The following ANKRD11 variants were observed in gnomAD, a reference collection of about 807,000 sequenced individuals.
ANKRD11 encodes the protein ankyrin repeat domain 11, also known as ankyrin repeat domain-containing protein 11.
ANKRD11 carries 17 observed loss-of-function variants against 195.7 expected under a neutral mutation model. The ratio of observed to expected loss-of-function variants is 0.09; its 90% confidence interval spans 0.06 to 0.13. ANKRD11 has a LOEUF of 0.13. ANKRD11 is among the 10% of genes least tolerant of loss of function. The pLI is 1.00. For synonymous variants in ANKRD11, 1,953 were observed against 1,528.1 expected (o/e 1.28, Z -6.49); for missense variants, 3,735 against 3,566.1 (o/e 1.05, Z -1.21).
intron 2 of ANKRD11, among the ~76,000 whole-genome samples, chr16:89,365,118 T>C (rs1000196843): frequency 1.3e-5 from 2 of 152,258 alleles, no homozygotes; most frequent in African/African-American, 4.8e-5. Flanking sequence ...CCTTCCCTTA[T>C]GACAGACCAT....
intron 2 of ANKRD11, among the ~76,000 whole-genome samples, chr16:89,403,133 C>T (rs1289962152): frequency 3.9e-5 from 6 of 152,176 alleles, no homozygotes; most frequent in Non-Finnish European, 7.3e-5. Flanking sequence ...GACGTGCCCT[C>T]GTGCTTTCAG....
chr16:89,427,568 G>T (rs539156795), intron 1 of ANKRD11, among the ~76,000 whole-genome samples: 11 of 152,106 alleles, frequency 7.2e-5, no homozygotes. Flanking sequence ...AGGCCGAGGC[G>T]GGAGGATCAC....
intron 1 of ANKRD11, among the ~76,000 whole-genome samples, chr16:89,461,662 G>A (rs962359941): frequency 6.6e-6 from 1 of 152,024 alleles, no homozygotes; most frequent in African/African-American, 2.4e-5. Flanking sequence ...TTTTAATACC[G>A]ATTTACTAAA....
At chr16:89,444,702 T>G (rs563049944) in intron 1 of ANKRD11, among the ~76,000 whole-genome samples, 1 of 151,994 alleles carries the variant, frequency 6.6e-6, no homozygotes, top group African/African-American at 2.4e-5. Context: ...TCCCAGCACT[T>G]TGGAAAACAG....
At chr16:89,347,607 T>TAAA (rs5818710) in intron 2 of ANKRD11, among the ~76,000 whole-genome samples, 37 of 127,338 alleles carry the variant, frequency 2.9e-4, no homozygotes, top group East Asian at 1.2e-3. Flanking sequence ...CGAGACTCCG[T>TAAA]AAAAAAAAAA....
chr16:89,354,023 T>C (rs1258197904), intron 2 of ANKRD11, among the ~76,000 whole-genome samples: 2 of 152,050 alleles, frequency 1.3e-5, no homozygotes, highest in Non-Finnish European at 2.9e-5. Flanking sequence ...TGTAAATAAT[T>C]GATGGGAGCC....
intron 2 of ANKRD11, among the ~76,000 whole-genome samples, chr16:89,374,209 C>T (rs7195691): frequency 0.029 from 4,456 of 152,246 alleles, 147 homozygotes; most frequent in African/African-American, 0.075. Flanking sequence ...TATCAGACTT[C>T]AAAGATTTAC....
chr16:89,484,493 C>T (rs540686324), intron 1 of ANKRD11, among the ~76,000 whole-genome samples: 11 of 152,278 alleles, frequency 7.2e-5, no homozygotes, highest in African/African-American at 1.9e-4. Context: ...AAGCAGCCTA[C>T]GCAATCTTCC....
At chr16:89,272,673 A>G (rs1799943826) in intron 11 of ANKRD11, 1 of 152,218 alleles carries the variant, frequency 6.6e-6, no homozygotes. Context: ...CAGAATCACA[A>G]AAAGGAAAAG....
rs539487399 is a variant in ANKRD11 at position 89,463,460 on chromosome 16, C to G, written c.-145+26785G>C. 2.0e-5 allele frequency among the ~76,000 whole-genome samples: 3 copies of G among 152,234 alleles called. No homozygotes were observed. The South Asian group carries it at 6.2e-4, about 32-fold the overall frequency. On this transcript the variant is annotated intron_variant, in intron 1 of 12. Transcript: ENST00000301030. ...TGCAAGATGTGCTTTGTTAAACAGA[C>G]GGTTGAAGGCAGCATACTCGTTAAG...
chr16:89,281,577 T>C lies in ANKRD11; in HGVS notation c.4965A>G (p.Lys1655=). The change falls in exon 9 of 13, where the codon AAA becomes AAG. Residue 1655 remains lysine (K), a synonymous_variant. Coordinates refer to ENST00000301030, the MANE Select transcript of ANKRD11 (RefSeq NM_013275.6). This position sits in a 1 kb window ranked among gnomAD's most constrained non-coding sequence, Gnocchi z 5.5. ...CGGCAGGTGGAATAGGAGTCGACTC[T>C]TTGAGCTTTTTGTCTTTAAATGGAG... The part of the protein sequence containing the change: ...LDPPFKDKKL[K]ESTPIPPAAE... The C allele has an allele frequency of 1.2e-6, 2 of 1,614,190 alleles. No homozygotes were observed. The highest frequency in any genetic ancestry group is 1.7e-6 in the Non-Finnish European group (2 of 1,180,028).
intron 2 of ANKRD11, among the ~76,000 whole-genome samples, chr16:89,407,937 A>C (rs988643529): frequency 6.6e-6 from 1 of 152,164 alleles, no homozygotes; most frequent in Non-Finnish European, 1.5e-5. Flanking sequence ...TTAACTTCAA[A>C]AAGCCAAACT....
intron 1 of ANKRD11, among the ~76,000 whole-genome samples, chr16:89,489,408 C>G (rs1387598743): frequency 6.9e-6 from 1 of 145,464 alleles, no homozygotes; most frequent in Admixed American, 6.9e-5. Flanking sequence ...CCCCCACACC[C>G]GCCCGCCTAC....
intron 2 of ANKRD11, among the ~76,000 whole-genome samples, chr16:89,342,837 G>A (rs549128190): frequency 6.6e-6 from 1 of 152,310 alleles, no homozygotes; most frequent in South Asian, 2.1e-4. Context: ...TTCCCTCAGA[G>A]TGCCTTTCTG....
chr16:89,415,707 A>T (rs1396978798), intron 2 of ANKRD11, among the ~76,000 whole-genome samples: 2 of 151,248 alleles, frequency 1.3e-5, no homozygotes, highest in African/African-American at 4.9e-5. Flanking sequence ...GGGTACCTGT[A>T]ATCCCAGCTA....
At chr16:89,488,505 A>T (rs2057697625) in intron 1 of ANKRD11, among the ~76,000 whole-genome samples, 1 of 149,820 alleles carries the variant, frequency 6.7e-6, no homozygotes, top group Non-Finnish European at 1.5e-5. Context: ...TTCTGTAATC[A>T]TTCTCTAACA....
intron 1 of ANKRD11, among the ~76,000 whole-genome samples, chr16:89,484,906 C>T (rs1389515428): frequency 6.6e-6 from 1 of 152,070 alleles, no homozygotes; most frequent in Non-Finnish European, 1.5e-5. Flanking sequence ...ATAAATAATT[C>T]ACTGCACAGA....
Position 89,270,726 on chromosome 16 carries a change from C to G in ANKRD11, c.7806+91G>C, listed in dbSNP as rs142218980. ...TCACAGAACTGGGCAGCGGCCTCCC[C>G]CCAGGCAGCGCAAAGGGGGTTGTCA... On this transcript the variant is annotated intron_variant, in intron 12 of 12. Transcript: ENST00000301030. The G allele has an allele frequency of 6.9e-6, 9 of 1,312,882 alleles. No individual in the cohort carries two copies. In the African/African-American group the frequency reaches 1.0e-4, roughly 15 times the overall value. The allele number at this position is 1,312,882 out of a possible 1,614,324, so 81.3% of individuals were successfully genotyped here. A position where few individuals can be genotyped will look rare whatever the true frequency, so the allele number is the denominator to read the frequency against.
intron 1 of ANKRD11, among the ~76,000 whole-genome samples, chr16:89,418,765 CCTTT>C (rs1434019827): frequency 6.6e-6 from 1 of 150,860 alleles, no homozygotes; most frequent in Non-Finnish European, 1.5e-5. Context: ...TTTTAAAAGG[CCTTT>C]TTTTTTTTTT....
Sources: gnomAD v4.1 joint callset for allele counts (sites outside exome capture counted in the v4.1 genomes callset) on GRCh38, gnomAD v4.1.1 for gene constraint, Gnocchi (gnomAD v3.1) non-coding constraint, MANE v1.5 for transcripts, NCBI Gene and HGNC (gene_info 2026-07-23, HGNC 2026-07-21) for gene names.